DACH2: variants seen among roughly 807,000 people sequenced by gnomAD.
DACH2 encodes dachshund family transcription factor 2, also known as dachshund homolog 2.
DACH2 carries 17 observed loss-of-function variants against 35.8 expected under a neutral mutation model. That is an observed-to-expected ratio of 0.48 (90% confidence interval 0.33 to 0.71). DACH2 has a LOEUF of 0.71. Ranked by LOEUF, DACH2 falls within the 30% of genes least tolerant of loss-of-function variation. The pLI, the probability that DACH2 is intolerant of heterozygous loss-of-function variation, is 0.02. For synonymous variants in DACH2, 195 were observed against 177.3 expected (o/e 1.10, Z -0.79); for missense variants, 469 against 472.7 (o/e 0.99, Z 0.07).
Position 86,148,681 on chromosome X carries a change from G to A in DACH2, c.61G>A (p.Gly21Ser), listed in dbSNP as rs747805721. 8.3e-7 allele frequency: 1 copy of A among 1,205,572 alleles called. No homozygotes were observed. Residue 21 changes from glycine (G) to serine (S), a missense_variant, in exon 1 of 12, where the codon GGC becomes AGC. Coordinates refer to ENST00000373125, the MANE Select transcript of DACH2 (RefSeq NM_053281.3). ...ATSSGAGVPG[G>S]LFRAEPLYST... ...TTCCAGCGGCGCCGGCGTCCCGGGG[G>A]GCTTATTCCGGGCCGAACCCCTGTA...
At chrX:86,290,921 C>T (rs1002899523) in intron 1 of DACH2, among the ~76,000 whole-genome samples, 1 of 109,249 alleles carries the variant, frequency 9.2e-6, no homozygotes, top group East Asian at 2.9e-4. Flanking sequence ...TTTTTGGTTC[C>T]ACATGAACTT....
intron 7 of DACH2, among the ~76,000 whole-genome samples, chrX:86,756,388 T>C (rs1337449633): frequency 9.0e-6 from 1 of 111,319 alleles, no homozygotes; most frequent in Admixed American, 9.5e-5. Flanking sequence ...TTTCATTTTT[T>C]TGTGTCCTCT....
At chrX:86,337,412 G>A (rs1192651147) in intron 1 of DACH2, among the ~76,000 whole-genome samples, 1 of 111,848 alleles carries the variant, frequency 8.9e-6, no homozygotes, top group Non-Finnish European at 1.9e-5. Flanking sequence ...AAGAGAGTGG[G>A]GGCCAATATT....
intron 2 of DACH2, among the ~76,000 whole-genome samples, chrX:86,396,309 T>A (rs1416336226): frequency 1.0e-5 from 1 of 99,036 alleles, no homozygotes; most frequent in Non-Finnish European, 2.0e-5. Flanking sequence ...GATGAGTAGG[T>A]TGTGAAAATT....
intron 3 of DACH2, among the ~76,000 whole-genome samples, chrX:86,606,407 G>T (rs1016311024): frequency 9.2e-6 from 1 of 109,187 alleles, no homozygotes; most frequent in Non-Finnish European, 1.9e-5. Context: ...TTTGTTTCAA[G>T]AAATTTTTTC....
rs140809260 is a variant in DACH2 at position 86,284,458 on chromosome X, T to A, written c.489-92366T>A. On this transcript the variant is annotated intron_variant, in intron 1 of 11. Transcript: ENST00000373125. ...AAATCCACTTGGTCATGATAAATGA[T>A]CTTTTACGTTTATTGTTGAATTTTG... 3.4e-3 allele frequency among the ~76,000 whole-genome samples: 379 copies of A among 111,681 alleles called. 2 individuals are homozygous for A. Among genetic ancestry groups the A allele is most frequent in the African/African-American group, 0.012 (360 of 30,816 alleles).
chrX:86,270,862 T>C (rs2033803235), intron 1 of DACH2, among the ~76,000 whole-genome samples: 1 of 111,881 alleles, frequency 8.9e-6, no homozygotes, highest in South Asian at 3.7e-4. Flanking sequence ...GATATTCTTT[T>C]CTGGCTACTT....
At chrX:86,175,048 A>G (rs772416157) in intron 1 of DACH2, among the ~76,000 whole-genome samples, 2 of 111,438 alleles carry the variant, frequency 1.8e-5, no homozygotes, top group Admixed American at 9.6e-5. Flanking sequence ...TGCTTGGGAT[A>G]GATGTCTGGA....
intron 2 of DACH2, among the ~76,000 whole-genome samples, chrX:86,506,985 G>A (rs764588737): frequency 1.8e-5 from 2 of 111,698 alleles, no homozygotes; most frequent in African/African-American, 3.3e-5. Context: ...GAATATCTAC[G>A]ATTGTTCAAG....
chrX:86,296,400 AAAAAAAAAAAGAAATATCT>A (rs1224868243), intron 1 of DACH2, among the ~76,000 whole-genome samples: 1 of 104,532 alleles, frequency 9.6e-6, no homozygotes, highest in East Asian at 3.0e-4. Context: ...AAAAAAAAAA[AAAAAAAAAAAGAAATATCT>A]TAAGTTAGTT....
At chrX:86,743,127 C>A (rs752700372) in intron 7 of DACH2, among the ~76,000 whole-genome samples, 1 of 111,273 alleles carries the variant, frequency 9.0e-6, no homozygotes, top group Non-Finnish European at 1.9e-5. Context: ...TTCCCTCAAT[C>A]CTTGAAAGTT....
chrX:86,492,659 A>G (rs1221978891), intron 2 of DACH2, among the ~76,000 whole-genome samples: 1 of 111,375 alleles, frequency 9.0e-6, no homozygotes, highest in East Asian at 2.8e-4. Context: ...CACGTCTGTG[A>G]GTACCTGATA....
intron 1 of DACH2, among the ~76,000 whole-genome samples, chrX:86,197,969 A>G (rs960010937): frequency 8.9e-6 from 1 of 112,073 alleles, no homozygotes; most frequent in Non-Finnish European, 1.9e-5. Context: ...CATTCTTCTC[A>G]TTGCTACATG....
intron 2 of DACH2, among the ~76,000 whole-genome samples, chrX:86,406,320 T>C (rs771851884): frequency 9.9e-5 from 11 of 111,589 alleles, no homozygotes; most frequent in Non-Finnish European, 1.1e-4. Context: ...TTTTCACTTA[T>C]AAATGGGAGC....
intron 2 of DACH2, among the ~76,000 whole-genome samples, chrX:86,498,273 T>A (rs5923541): frequency 0.27 from 29,964 of 110,441 alleles, 3,210 homozygotes; most frequent in African/African-American, 0.37. Flanking sequence ...GGAATAAAAA[T>A]ATGTGATAAA....
intron 3 of DACH2, among the ~76,000 whole-genome samples, chrX:86,534,523 C>T (rs1407543089): frequency 9.0e-6 from 1 of 111,723 alleles, no homozygotes; most frequent in Non-Finnish European, 1.9e-5. Flanking sequence ...ACAGAAAACT[C>T]AAGAGTTTGA....
At chrX:86,625,421 T>A (rs1403445963) in intron 3 of DACH2, among the ~76,000 whole-genome samples, 5 of 111,284 alleles carry the variant, frequency 4.5e-5, no homozygotes, top group Non-Finnish European at 9.4e-5. Context: ...ATTTTTCTAC[T>A]GAGCCATTAT....
At chrX:86,300,737 G>C (rs1268426710) in intron 1 of DACH2, among the ~76,000 whole-genome samples, 1 of 111,512 alleles carries the variant, frequency 9.0e-6, no homozygotes, top group Non-Finnish European at 1.9e-5. Flanking sequence ...AATTCAGGTG[G>C]GTCCTCTTCA....
At chrX:86,557,364 G>A (rs1259150573) in intron 3 of DACH2, among the ~76,000 whole-genome samples, 2 of 110,634 alleles carry the variant, frequency 1.8e-5, no homozygotes, top group Non-Finnish European at 3.8e-5. Context: ...ATCTTTTGAA[G>A]TCAGGTAGTG....
Sources: allele counts gnomAD v4.1 joint callset (sites outside exome capture counted in the v4.1 genomes callset), GRCh38; gene constraint gnomAD v4.1.1; transcripts MANE v1.5; gene names NCBI Gene and HGNC (gene_info 2026-07-23, HGNC 2026-07-21).